Variants in WWOX observed in about 807,000 individuals in gnomAD.
The protein encoded by WWOX is WW domain containing oxidoreductase, also known as WW domain-containing oxidoreductase.
WWOX carries 69 observed loss-of-function variants against 46.2 expected under a neutral mutation model. The ratio of observed to expected loss-of-function variants is 1.49; its 90% CI spans 1.23 to 1.82. The LOEUF (loss-of-function observed/expected upper bound fraction) is 1.82. Ranked by LOEUF, WWOX falls within the 40% of genes most tolerant of loss-of-function variation. The pLI, the probability that WWOX is intolerant of heterozygous loss-of-function variation, is 0.00. For missense variants in WWOX, 919 were observed against 542.6 expected (o/e 1.69, Z -6.89); for synonymous variants, 359 against 202.6 (o/e 1.77, Z -6.56).
chr16:78,344,027 A>AT (rs1258044442), intron 5 of WWOX, among the ~76,000 whole-genome samples: 1 of 113,490 alleles, frequency 8.8e-6, no homozygotes. Context: ...ATCACCCCAC[A>AT]TTTTTTTTTC....
Position 78,869,352 on chromosome 16 carries a change from C to T in WWOX, c.1057-342256C>T, listed in dbSNP as rs547167931. ...GTCAGAAAGTGCCTACTTTTCCAAG[C>T]ATCCAGACTGCAACCTGTTTTTCCT... On this transcript the variant is annotated intron_variant, in intron 8 of 8. Transcript: ENST00000566780. 2.3e-4 allele frequency among the ~76,000 whole-genome samples: 35 copies of T among 152,292 alleles called. No individual in the cohort carries two copies. In the South Asian group the frequency reaches 7.1e-3, roughly 31 times the overall value.
At chr16:79,102,748 T>C (rs1567551754) in intron 8 of WWOX, among the ~76,000 whole-genome samples, 2 of 152,192 alleles carry the variant, frequency 1.3e-5, no homozygotes, top group South Asian at 4.1e-4. Context: ...AAAGGGTACA[T>C]GTTTAAATTT....
chr16:79,182,162 C>T (rs868791696), intron 8 of WWOX, among the ~76,000 whole-genome samples: 2 of 150,832 alleles, frequency 1.3e-5, no homozygotes, highest in African/African-American at 4.9e-5. Flanking sequence ...GACTCTTGTT[C>T]TTTCTGGTGG....
chr16:78,829,128 ATG>A (rs1286984716), intron 8 of WWOX, among the ~76,000 whole-genome samples: 1 of 143,786 alleles, frequency 7.0e-6, no homozygotes, highest in African/African-American at 2.7e-5. Flanking sequence ...GGATGGATGG[ATG>A]GAGAGAGAGA....
At chr16:79,045,591 C>G (rs1201269255) in intron 8 of WWOX, among the ~76,000 whole-genome samples, 2 of 152,084 alleles carry the variant, frequency 1.3e-5, no homozygotes, top group Admixed American at 6.5e-5. Flanking sequence ...TCAAAACAAT[C>G]TGATGCACAT....
At chr16:78,949,557 C>T (rs991356811) in intron 8 of WWOX, among the ~76,000 whole-genome samples, 3 of 152,182 alleles carry the variant, frequency 2.0e-5, no homozygotes, top group Admixed American at 6.5e-5. Context: ...TTGACCAACC[C>T]CAACACATAA....
chr16:78,373,757 C>A (rs551604204), intron 5 of WWOX, among the ~76,000 whole-genome samples: 7 of 151,866 alleles, frequency 4.6e-5, no homozygotes, highest in Non-Finnish European at 8.8e-5. Flanking sequence ...TCTTCACTAC[C>A]AAGTTTTTCT....
At chr16:78,592,403 A>T (rs1203247249) in intron 8 of WWOX, among the ~76,000 whole-genome samples, 1 of 152,208 alleles carries the variant, frequency 6.6e-6, no homozygotes, top group Non-Finnish European at 1.5e-5. Flanking sequence ...CCTGTATTAA[A>T]TTACAACCAT....
chr16:78,695,799 A>G (rs1449750548), intron 8 of WWOX, among the ~76,000 whole-genome samples: 1 of 152,244 alleles, frequency 6.6e-6, no homozygotes, highest in Non-Finnish European at 1.5e-5. Flanking sequence ...AGCATTGACC[A>G]GGTGCCCAAT....
At position 79,130,811 on chromosome 16, in the gene WWOX, C is replaced by A. The variant is rs190629742; in HGVS notation, c.1057-80797C>A. On this transcript the variant is annotated intron_variant, in intron 8 of 8. Coordinates refer to ENST00000566780, the MANE Select transcript of WWOX (RefSeq NM_016373.4). ...GTGATCAAGTACATATGCTCCCCAG[C>A]AGTTCTTTGAGATTTCCATGTTCTC... 8.2e-4 allele frequency among the ~76,000 whole-genome samples: 125 copies of A among 152,288 alleles called. 3 individuals are homozygous for A. The highest frequency in any genetic ancestry group is 5.8e-3 in the Admixed American group (89 of 15,298).
intron 5 of WWOX, among the ~76,000 whole-genome samples, chr16:78,187,633 C>T (rs1023307210): frequency 2.0e-5 from 3 of 152,114 alleles, no homozygotes; most frequent in Admixed American, 1.3e-4. Context: ...CAAAAAAAGA[C>T]GCAAAGGAGC....
chr16:79,211,572 T>TA (rs769744944), intron 8 of WWOX, 36 bp from the exon 9 acceptor site: 17 of 1,614,036 alleles, frequency 1.1e-5, no homozygotes, highest in Non-Finnish European at 1.4e-5. Context: ...CTCCTTTTCT[T>TA]AAAATTTTTT....
intron 8 of WWOX, among the ~76,000 whole-genome samples, chr16:79,035,176 C>G (rs954126794): frequency 6.6e-6 from 1 of 152,124 alleles, no homozygotes; most frequent in African/African-American, 2.4e-5. Flanking sequence ...TTGCATGTGC[C>G]ACTTTAATTT....
At chr16:78,718,673 A>G (rs146658421) in intron 8 of WWOX, among the ~76,000 whole-genome samples, 4,563 of 152,084 alleles carry the variant, frequency 0.03, 106 homozygotes, top group Non-Finnish European at 0.048. Flanking sequence ...ACACCACAGC[A>G]CTCCAGCCTG....
Position 79,095,165 on chromosome 16 carries a change from C to T in WWOX, c.1057-116443C>T, listed in dbSNP as rs574308028. On this transcript the variant is annotated intron_variant, in intron 8 of 8. Transcript: ENST00000566780. ...TAGAATCTACTTAAGGGTATTTTTG[C>T]TGGAGAAAGAGCTGCTGTCTTTGTC... is the stretch of plus-strand genomic sequence containing the variant. Among the ~76,000 whole-genome samples, 6 of 152,272 alleles carry T rather than the reference C, an allele frequency of 3.9e-5. No homozygotes were observed. In the South Asian group the frequency reaches 1.0e-3, roughly 26 times the overall value.
intron 5 of WWOX, among the ~76,000 whole-genome samples, chr16:78,265,324 GTTATA>G (rs200981530): frequency 0.03 from 4,576 of 152,178 alleles, 79 homozygotes; most frequent in African/African-American, 0.046. Context: ...AATGTATGTT[GTTATA>G]GCAGCCTGGA....
At chr16:79,165,312 A>G (rs959140226) in intron 8 of WWOX, among the ~76,000 whole-genome samples, 2 of 152,174 alleles carry the variant, frequency 1.3e-5, no homozygotes, top group East Asian at 1.9e-4. Context: ...ATGGGTGCGT[A>G]TATGTTACAG....
chr16:78,797,448 AG>A (rs1311794674), intron 8 of WWOX, among the ~76,000 whole-genome samples: 1 of 151,776 alleles, frequency 6.6e-6, no homozygotes. Context: ...AAATGCCTAA[AG>A]TAGACCCATT....
chr16:78,144,492 C>T (rs1387811348), intron 4 of WWOX, among the ~76,000 whole-genome samples: 27 of 7,974 alleles, frequency 3.4e-3, no homozygotes, highest in Middle Eastern at 0.083. Flanking sequence ...TATATACACA[C>T]ACACACACAT....
Sources: gnomAD v4.1 joint callset for allele counts (sites outside exome capture counted in the v4.1 genomes callset) on GRCh38, gnomAD v4.1.1 for gene constraint, MANE v1.5 for transcripts, NCBI Gene and HGNC (gene_info 2026-07-23, HGNC 2026-07-21) for gene names.